Variants in NIBAN1 observed in about 807,000 individuals in gnomAD.
The protein encoded by NIBAN1 is niban apoptosis regulator 1.
NIBAN1 carries 81 observed loss-of-function variants against 75.1 expected under a neutral mutation model. The ratio of observed to expected loss-of-function variants is 1.08; its 90% CI spans 0.90 to 1.30. The LOEUF (loss-of-function observed/expected upper bound fraction) is 1.30, where lower values mean the gene tolerates loss of function less well. NIBAN1 is among the 50% of genes most tolerant of loss of function. NIBAN1 has a pLI of 0.00. For missense variants in NIBAN1, 1,133 were observed against 1,128.1 expected (o/e 1.00, Z -0.06); for synonymous variants, 436 against 424.8 (o/e 1.03, Z -0.32).
chr1:184,906,286 CAT>C (rs1657101118), intron 1 of NIBAN1, among the ~76,000 whole-genome samples: 1 of 150,524 alleles, frequency 6.6e-6, no homozygotes, highest in African/African-American at 2.4e-5. Context: ...CACACACACA[CAT>C]GCACACACAC....
chr1:184,964,610 T>G (rs1658731666), intron 1 of NIBAN1, among the ~76,000 whole-genome samples: 1 of 152,298 alleles, frequency 6.6e-6, no homozygotes, highest in South Asian at 2.1e-4. Flanking sequence ...TTATGTGAGC[T>G]CATGCATGCA....
chr1:184,897,074 G>A lies in NIBAN1; in HGVS notation c.186+2105C>T, dbSNP rs550942091. On this transcript the variant is annotated intron_variant, in intron 2 of 13. Coordinates refer to ENST00000367511, the MANE Select transcript of NIBAN1 (RefSeq NM_052966.4). ...TTAGGATTAATTTTTCTAATTTTGT[G>A]TAAGATGACATTGGTAATTTGATAG... Among the ~76,000 whole-genome samples, 4 of 152,238 alleles carry A rather than the reference G, an allele frequency of 2.6e-5. No individual in the cohort carries two copies. In the South Asian group the frequency reaches 8.3e-4, roughly 32 times the overall value.
intron 1 of NIBAN1, 38 bp downstream of exon 1, chr1:184,974,264 T>G (rs1192533467): frequency 2.6e-6 from 4 of 1,533,250 alleles, no homozygotes; most frequent in East Asian, 5.0e-5. Flanking sequence ...GGTGCACGGG[T>G]CAGGGTGCTC....
At chr1:184,887,234 T>A (rs756696510) in intron 4 of NIBAN1, among the ~76,000 whole-genome samples, 1 of 152,100 alleles carries the variant, frequency 6.6e-6, no homozygotes, top group Non-Finnish European at 1.5e-5. Flanking sequence ...CAGAGGAGAA[T>A]GCACCACCAG....
intron 1 of NIBAN1, among the ~76,000 whole-genome samples, chr1:184,913,137 GTATATATATATATATAT>G (rs771522323): frequency 9.1e-6 from 1 of 109,746 alleles, no homozygotes; most frequent in African/African-American, 3.4e-5. Flanking sequence ...TATCATGCAG[GTATATATATATATATAT>G]TATATATATA....
chr1:184,819,085 T>C (rs1212394289), intron 8 of NIBAN1, among the ~76,000 whole-genome samples: 3 of 152,114 alleles, frequency 2.0e-5, no homozygotes, highest in Non-Finnish European at 2.9e-5. Context: ...ATTTTTCTGC[T>C]TGGTCCCTCT....
At chr1:184,964,780 G>T (rs1658736202) in intron 1 of NIBAN1, among the ~76,000 whole-genome samples, 1 of 152,206 alleles carries the variant, frequency 6.6e-6, no homozygotes, top group Non-Finnish European at 1.5e-5. Flanking sequence ...GAAATTCATG[G>T]TGGCATTTCC....
In NIBAN1 at chr1:184,795,437, G is replaced by A. The variant is rs761191983; in HGVS notation, c.2327C>T (p.Pro776Leu). 35 of 1,608,146 alleles carry A rather than the reference G, an allele frequency of 2.2e-5. No homozygotes were observed. The highest frequency in any genetic ancestry group is 2.5e-5 in the Non-Finnish European group (30 of 1,177,188). ...SEVSEREAQP[P>L]CPEAHGEELG... ...CTCCTCCCCATGGGCCTCGGGACAG[G>A]GAGGTTGGGCCTCCCTCTCGCTGAC... Residue 776 changes from proline (P) to leucine (L), a missense_variant, in exon 14 of 14, where the codon CCC becomes CTC. Coordinates refer to ENST00000367511, the MANE Select transcript of NIBAN1 (RefSeq NM_052966.4).
chr1:184,954,081 G>C (rs1436642907), intron 1 of NIBAN1, among the ~76,000 whole-genome samples: 1 of 152,190 alleles, frequency 6.6e-6, no homozygotes, highest in Non-Finnish European at 1.5e-5. Context: ...AAACATCTAA[G>C]CCCTTATCTG....
At chr1:184,798,997 T>C (rs1258221662) in intron 12 of NIBAN1, among the ~76,000 whole-genome samples, 2 of 151,872 alleles carry the variant, frequency 1.3e-5, no homozygotes, top group Non-Finnish European at 2.9e-5. Flanking sequence ...AAAATTGAGA[T>C]TTTTTTTCAA....
chr1:184,890,204 C>T lies in NIBAN1; in HGVS notation c.337G>A (p.Ala113Thr). ...GCTGGAAGAATTCGACATTTAGGAGCAGCTCCTCTCTGATAGGCCTGGGGA... is the reference window on the plus strand; with the variant it reads ...GCTGGAAGAATTCGACATTTAGGAGTAGCTCCTCTCTGATAGGCCTGGGGA... ...ENKEAYQRGAAPKCRILPAGG... is the reference protein window; with the variant it reads ...ENKEAYQRGATPKCRILPAGG... The change falls in exon 4 of 14, where the codon GCT becomes ACT. Residue 113 changes from alanine (A) to threonine (T), a missense_variant. Transcript: ENST00000367511. 1 of 1,613,786 alleles carries T rather than the reference C, an allele frequency of 6.2e-7. No homozygotes were observed. The highest frequency in any genetic ancestry group is 8.5e-7 in the Non-Finnish European group (1 of 1,179,728).
At position 184,791,908 on chromosome 1, in the gene NIBAN1, G is replaced by T. The variant is rs1269587023; in HGVS notation, c.*3069C>A. The T allele has an allele frequency of 6.6e-6, 1 of 151,818 alleles. No individual in the cohort carries two copies. Among genetic ancestry groups the T allele is most frequent in the Non-Finnish European group, 1.5e-5 (1 of 67,956 alleles). 9.4% of individuals were successfully genotyped at this position (151,818 alleles called of 1,614,324 possible). On this transcript the variant is annotated 3_prime_UTR_variant, in exon 14 of 14. Coordinates refer to ENST00000367511, the MANE Select transcript of NIBAN1 (RefSeq NM_052966.4). ...GACAGAGTATTTTAAATGCACTCTA[G>T]TTTCCTGTTCCATCTTCAAATTAAA...
At chr1:184,882,792 G>T (rs552071291) in intron 5 of NIBAN1, among the ~76,000 whole-genome samples, 7 of 152,302 alleles carry the variant, frequency 4.6e-5, no homozygotes, top group African/African-American at 1.7e-4. Context: ...AGTGCCAACT[G>T]CATGTTCCTA....
At chr1:184,951,917 G>A (rs1195464099) in intron 1 of NIBAN1, among the ~76,000 whole-genome samples, 3 of 152,178 alleles carry the variant, frequency 2.0e-5, no homozygotes, top group South Asian at 4.2e-4. Flanking sequence ...TGACCTCCCT[G>A]CTTCATCATC....
At chr1:184,844,548 C>T (rs1035782452) in intron 5 of NIBAN1, among the ~76,000 whole-genome samples, 6 of 152,218 alleles carry the variant, frequency 3.9e-5, no homozygotes, top group South Asian at 2.1e-4. Context: ...AAACTGAAAT[C>T]GAAGAAGTTT....
intron 6 of NIBAN1, among the ~76,000 whole-genome samples, chr1:184,827,560 G>GTTTTTTTTTTTTTTTTTTTTTTTTTT (rs58483276): frequency 8.5e-6 from 1 of 117,680 alleles, no homozygotes; most frequent in Non-Finnish European, 1.6e-5. Flanking sequence ...AAATACTTCA[G>GTTTTTTTTTTTTTTTTTTTTTTTTTT]TTTTTTTTTT....
chr1:184,827,130 C>G (rs1190075786), intron 6 of NIBAN1, among the ~76,000 whole-genome samples: 1 of 152,104 alleles, frequency 6.6e-6, no homozygotes, highest in African/African-American at 2.4e-5. Flanking sequence ...TGAGGCCTCA[C>G]CAGTAACATG....
chr1:184,920,207 T>G (rs777256431), intron 1 of NIBAN1, among the ~76,000 whole-genome samples: 8 of 152,132 alleles, frequency 5.3e-5, no homozygotes, highest in African/African-American at 9.7e-5. Context: ...CGGAAAGATA[T>G]GAAATACAAC....
intron 5 of NIBAN1, among the ~76,000 whole-genome samples, chr1:184,865,000 A>G (rs1005763127): frequency 6.6e-6 from 1 of 152,058 alleles, no homozygotes; most frequent in African/African-American, 2.4e-5. Flanking sequence ...AAAAAAAAAA[A>G]AAAAAGAATG....
Sources: allele counts gnomAD v4.1 joint callset (sites outside exome capture counted in the v4.1 genomes callset), GRCh38; gene constraint gnomAD v4.1.1; transcripts MANE v1.5; gene names NCBI Gene and HGNC (gene_info 2026-07-23, HGNC 2026-07-21).